Variants in RNF220 observed in about 807,000 individuals in gnomAD.
The protein encoded by RNF220 is ring finger protein 220.
Under a neutral mutation model 67.1 loss-of-function variants are expected in RNF220, and 7 were observed. The ratio of observed to expected loss-of-function variants is 0.10; its 90% CI spans 0.06 to 0.20. The LOEUF is 0.20. RNF220 is among the 10% of genes least tolerant of loss of function. The pLI, the probability that RNF220 is intolerant of heterozygous loss-of-function variation, is 1.00. For synonymous variants in RNF220, 270 were observed against 283.2 expected (o/e 0.95, Z 0.47); for missense variants, 565 against 740.3 (o/e 0.76, Z 2.75).
intron 2 of RNF220, among the ~76,000 whole-genome samples, chr1:44,432,244 T>C (rs184491925): frequency 1.4e-4 from 21 of 152,298 alleles, no homozygotes; most frequent in African/African-American, 4.6e-4. Flanking sequence ...AAAACAACAG[T>C]CAACTAAAAG....
At chr1:44,542,829 A>G (rs972410170) in intron 2 of RNF220, among the ~76,000 whole-genome samples, 2 of 152,204 alleles carry the variant, frequency 1.3e-5, no homozygotes, top group African/African-American at 4.8e-5. Flanking sequence ...TGACCAAAGA[A>G]GGCTGGAGAG....
Position 44,536,563 on chromosome 1 carries a change from C to T in RNF220, c.626-77602C>T, listed in dbSNP as rs1661236934. Among the ~76,000 whole-genome samples the T allele has an allele frequency of 2.6e-5, 4 of 152,188 alleles. No homozygotes were observed. In the South Asian group the frequency reaches 6.2e-4, roughly 24 times the overall value. On this transcript the variant is annotated intron_variant, in intron 2 of 14. Coordinates refer to ENST00000361799, the MANE Select transcript of RNF220 (RefSeq NM_018150.4). ...GCCTGCAGCCTTTCTCAGCTCTCAC[C>T]CTTGTCGCTTTCCTCTGGGGCTGCG...
Position 44,645,308 on chromosome 1 carries a change from G to A in RNF220, c.1366+32G>A. The A allele has an allele frequency of 1.2e-6, 2 of 1,613,854 alleles. No homozygotes were observed. The highest frequency in any genetic ancestry group is 1.7e-6 in the Non-Finnish European group (2 of 1,179,772). ...CCTGCCCCAGGTTAGGAGTAATGGG[G>A]GAGAGGGGGTATCCCTAGATGGTGG... On this transcript the variant is annotated intron_variant, in intron 11 of 14. Coordinates refer to ENST00000361799, the MANE Select transcript of RNF220 (RefSeq NM_018150.4). This position sits in a 1 kb window ranked among gnomAD's most constrained non-coding sequence, Gnocchi z 5.0.
intron 2 of RNF220, among the ~76,000 whole-genome samples, chr1:44,472,546 G>C (rs967694605): frequency 4.6e-5 from 7 of 152,114 alleles, no homozygotes; most frequent in Non-Finnish European, 1.0e-4. Context: ...TTTGAATGTA[G>C]AGTCTTTTTG....
At chr1:44,589,613 CAA>C (rs11437946) in intron 2 of RNF220, among the ~76,000 whole-genome samples, 22 of 109,344 alleles carry the variant, frequency 2.0e-4, no homozygotes, top group Admixed American at 7.2e-4. Context: ...GACTGCATCT[CAA>C]AAAAAAAAAA....
chr1:44,566,119 C>G (rs958574320), intron 2 of RNF220, among the ~76,000 whole-genome samples: 3 of 152,180 alleles, frequency 2.0e-5, no homozygotes, highest in African/African-American at 7.2e-5. Context: ...CTCCCCCTAG[C>G]TTGCCCTTCC....
chr1:44,632,515 G>C, intron 6 of RNF220, 130 bp downstream of exon 6: 1 of 889,804 alleles, frequency 1.1e-6, no homozygotes, highest in Non-Finnish European at 1.8e-6. Context: ...CAGTCACGGC[G>C]CCTGAGTATG....
chr1:44,513,736 T>G (rs1659223624), intron 2 of RNF220, among the ~76,000 whole-genome samples: 1 of 152,356 alleles, frequency 6.6e-6, no homozygotes, highest in South Asian at 2.1e-4. Flanking sequence ...TTCATTTTTT[T>G]TCTTCCTCTT....
rs1239890212 is a variant in RNF220, at chr1:44,637,565, C to G, written c.1126+1403C>G. On this transcript the variant is annotated intron_variant, in intron 8 of 14. Transcript: ENST00000361799. ...ACATCCTCCATTGCTGTGGCACCTT[C>G]TTAGGTTCCTTGGCACAGACCTGGA... Among the ~76,000 whole-genome samples, 3 of 152,234 alleles carry G rather than the reference C, an allele frequency of 2.0e-5. No individual in the cohort carries two copies. The East Asian group carries it at 5.8e-4, about 29-fold the overall frequency.
At chr1:44,634,838 A>G (rs541536886) in intron 6 of RNF220, among the ~76,000 whole-genome samples, 8 of 152,344 alleles carry the variant, frequency 5.3e-5, no homozygotes, top group African/African-American at 1.7e-4. Flanking sequence ...AGGGCCTGCC[A>G]GCCCCTCTGT....
chr1:44,541,527 G>A (rs1343240474), intron 2 of RNF220, among the ~76,000 whole-genome samples: 1 of 152,240 alleles, frequency 6.6e-6, no homozygotes, highest in Non-Finnish European at 1.5e-5. Flanking sequence ...ATTTATCACC[G>A]TACCACATTG....
chr1:44,473,420 T>C (rs1266801284), intron 2 of RNF220, among the ~76,000 whole-genome samples: 1 of 139,226 alleles, frequency 7.2e-6, no homozygotes, highest in Non-Finnish European at 1.5e-5. Flanking sequence ...CTCTCCACAA[T>C]GCGGTGCCCC....
chr1:44,614,622 C>A (rs3012025), intron 3 of RNF220, among the ~76,000 whole-genome samples: 146,375 of 152,280 alleles, frequency 0.96, 70,536 homozygotes, highest in Non-Finnish European at 1. Flanking sequence ...AGAATAAAAG[C>A]AGCAGGTCCT....
intron 2 of RNF220, among the ~76,000 whole-genome samples, chr1:44,591,301 G>A (rs981096803): frequency 9.2e-5 from 14 of 152,206 alleles, no homozygotes; most frequent in Non-Finnish European, 2.9e-5. Flanking sequence ...AGAATTCAGT[G>A]GGACCAAGAC....
intron 4 of RNF220, among the ~76,000 whole-genome samples, chr1:44,625,512 G>A (rs1258053553): frequency 2.0e-5 from 3 of 152,162 alleles, no homozygotes; most frequent in Admixed American, 6.5e-5. Context: ...CTAAGCTGGG[G>A]AAGACTCCTA....
chr1:44,455,102 A>G (rs1162316007), intron 2 of RNF220, among the ~76,000 whole-genome samples: 1 of 152,236 alleles, frequency 6.6e-6, no homozygotes, highest in Non-Finnish European at 1.5e-5. Context: ...GTTTGACTTT[A>G]TAAGAAATTG....
chr1:44,529,989 G>T (rs1660706726), intron 2 of RNF220, among the ~76,000 whole-genome samples: 2 of 151,924 alleles, frequency 1.3e-5, no homozygotes, highest in Non-Finnish European at 2.9e-5. Context: ...GGGAGGTGGA[G>T]GTTGCAGTAA....
intron 2 of RNF220, among the ~76,000 whole-genome samples, chr1:44,423,631 T>G (rs1649450560): frequency 6.6e-6 from 1 of 152,212 alleles, no homozygotes; most frequent in South Asian, 2.1e-4. Flanking sequence ...GCCCTGCTGA[T>G]GTTTAGTGAG....
At chr1:44,448,931 A>G (rs1409615174) in intron 2 of RNF220, among the ~76,000 whole-genome samples, 2 of 152,236 alleles carry the variant, frequency 1.3e-5, no homozygotes, top group Non-Finnish European at 2.9e-5. Context: ...GGCCTCCCAG[A>G]CACTGCTCTC....
Sources: allele counts gnomAD v4.1 joint callset (sites outside exome capture counted in the v4.1 genomes callset), GRCh38; gene constraint gnomAD v4.1.1; non-coding constraint Gnocchi (gnomAD v3.1); transcripts MANE v1.5; gene names NCBI Gene and HGNC (gene_info 2026-07-23, HGNC 2026-07-21).